Variants in OR10C1 observed in about 807,000 individuals in gnomAD.
OR10C1 encodes the protein olfactory receptor family 10 subfamily C member 1, also known as olfactory receptor 10C1.
For missense variants in OR10C1, 388 were observed against 392.1 expected, an observed-to-expected ratio of 0.99 and a Z score of 0.09; for synonymous variants, 183 against 174.4, an observed-to-expected ratio of 1.05 and a Z score of -0.39.
chr6:29,439,933 C>A lies in OR10C1; in HGVS notation c.-83C>A. On this transcript the variant is annotated 5_prime_UTR_variant, in exon 1 of 1. Coordinates refer to ENST00000444197, the MANE Select transcript of OR10C1 (RefSeq NM_013941.4). ...GCTGCGATCAGATGCAGAGAGAGGTCATCTTTGCCCATTTCACGATTCCAT... is the reference window on the plus strand; with the variant it reads ...GCTGCGATCAGATGCAGAGAGAGGTAATCTTTGCCCATTTCACGATTCCAT... 1.0e-6 allele frequency: 1 copy of A among 1,000,954 alleles called. No homozygotes were observed. Among genetic ancestry groups the A allele is most frequent in the Non-Finnish European group, 1.5e-6 (1 of 655,472 alleles). The allele number at this position is 1,000,954 out of a possible 1,614,324, so 62.0% of individuals were successfully genotyped here.
Position 29,440,601 on chromosome 6 carries a change from C to T in OR10C1, c.586C>T (p.Leu196=), listed in dbSNP as rs1337768924. 6.2e-6 allele frequency: 10 copies of T among 1,613,862 alleles called. No homozygotes were observed. The highest frequency in any genetic ancestry group is 6.8e-6 in the Non-Finnish European group (8 of 1,179,938). Residue 196 remains leucine, a synonymous_variant, in exon 1 of 1, where the codon CTG becomes TTG. Coordinates refer to ENST00000444197, the MANE Select transcript of OR10C1 (RefSeq NM_013941.4). ...LVCGDTSLNE[L]QIILATALLI... is the part of the protein sequence containing the mutation. ...ATGTGGAGACACCTCGCTTAATGAA[C>T]TGCAGATTATCCTGGCAACAGCCCT...
rs2074467 is a variant in OR10C1, at chr6:29,440,498, C to T, written c.483C>T (p.Phe161=). 1 of 1,613,744 alleles carries T rather than the reference C, an allele frequency of 6.2e-7. No individual in the cohort carries two copies. Among genetic ancestry groups the T allele is most frequent in the East Asian group, 2.2e-5 (1 of 44,878 alleles). Residue 161 remains phenylalanine (F), a synonymous_variant, in exon 1 of 1, where the codon TTC becomes TTT. Transcript: ENST00000444197. ...GVLVGLGHTP[F]IFSLPFCGPN... is the part of the protein sequence containing the mutation. ...TGGTGGGGCTGGGCCACACCCCTTT[C>T]ATCTTCTCTTTGCCCTTCTGCGGCC... is the stretch of plus-strand genomic sequence containing the variant.
Position 29,439,909 on chromosome 6 carries a change from C to G in OR10C1, c.-107C>G, listed in dbSNP as rs1783960829. The G allele has an allele frequency of 1.0e-5, 8 of 796,192 alleles. No individual in the cohort carries two copies. The highest frequency in any genetic ancestry group is 1.2e-5 in the Non-Finnish European group (6 of 487,560). The allele number at this position is 796,192 out of a possible 1,614,324, so 49.3% of individuals were successfully genotyped here. On this transcript the variant is annotated 5_prime_UTR_variant, in exon 1 of 1. Transcript: ENST00000444197. ...TTCTAATAGAAAGGGAGATCTAGTG[C>G]TGCGATCAGATGCAGAGAGAGGTCA...
Position 29,440,356 on chromosome 6 carries a change from T to C in OR10C1, c.341T>C (p.Leu114Pro), listed in dbSNP as rs1784034038. The change falls in exon 1 of 1, where the codon CTG becomes CCG. Residue 114 changes from leucine (L) to proline (P), a missense_variant. Physicochemically the swap from Leu to Pro is moderately conservative, Grantham distance 98. Coordinates refer to ENST00000444197, the MANE Select transcript of OR10C1 (RefSeq NM_013941.4). ...TTTGGCGCCACGGAGTGCTGCCTCC[T>C]GGCAGCCATGGCCTATGACCGCTAT... is the stretch of plus-strand genomic sequence containing the variant. ...LFFGATECCL[L>P]AAMAYDRYAA... 1 of 1,613,808 alleles carries C rather than the reference T, an allele frequency of 6.2e-7. No individual in the cohort carries two copies. The highest frequency in any genetic ancestry group is 8.5e-7 in the Non-Finnish European group (1 of 1,179,840).
Position 29,440,690 on chromosome 6 carries a change from C to G in OR10C1, c.675C>G (p.Phe225Leu). 6.2e-7 allele frequency: 1 copy of G among 1,614,176 alleles called. No individual in the cohort carries two copies. Among genetic ancestry groups the G allele is most frequent in the Non-Finnish European group, 8.5e-7 (1 of 1,180,028 alleles). ...ACGGGCGTATCCTCGTTACCATCTT[C>G]CGGATCCCATCTGTTGCGGGCCGCC... ...GSYGRILVTI[F>L]RIPSVAGRRK... Residue 225 changes from phenylalanine (F) to leucine (L), a missense_variant, in exon 1 of 1, where the codon TTC (phenylalanine) becomes TTG (leucine). Transcript: ENST00000444197.
chr6:29,440,057 C>G lies in OR10C1; in HGVS notation c.42C>G (p.Leu14=), dbSNP rs775048330. 6.2e-7 allele frequency: 1 copy of G among 1,613,040 alleles called. No individual in the cohort carries two copies. Among genetic ancestry groups the G allele is most frequent in the African/African-American group, 1.3e-5 (1 of 74,894 alleles). The change falls in exon 1 of 1, where the codon CTC becomes CTG. Residue 14 remains leucine, a synonymous_variant. Coordinates refer to ENST00000444197, the MANE Select transcript of OR10C1 (RefSeq NM_013941.4). ...CCATGGTGACTGAGTTTCTTCTTCT[C>G]GGCTTCTCCCACCTGGCCGACCTCC... ...NTSMVTEFLL[L]GFSHLADLQG...
In OR10C1 at chr6:29,440,249, C is replaced by G. The variant is rs564896821; in HGVS notation, c.234C>G (p.Pro78=). 1 of 1,614,034 alleles carries G rather than the reference C, an allele frequency of 6.2e-7. No individual in the cohort carries two copies. Among genetic ancestry groups the G allele is most frequent in the Non-Finnish European group, 8.5e-7 (1 of 1,180,028 alleles). Reference sequence around the variant, plus strand: ...TTGGCTATACGTCTGTCACGGTCCCCCTGCTACTTCACCACCTCCTTACTG... The same window carrying G: ...TTGGCTATACGTCTGTCACGGTCCCGCTGCTACTTCACCACCTCCTTACTG... ...LEIGYTSVTV[P]LLLHHLLTGR... is the part of the protein sequence containing the mutation. Residue 78 remains proline (P), a synonymous_variant, in exon 1 of 1, where the codon CCC becomes CCG. Coordinates refer to ENST00000444197, the MANE Select transcript of OR10C1 (RefSeq NM_013941.4).
In OR10C1 at chr6:29,439,764, G is replaced by A. The variant is rs547653914; in HGVS notation, c.-252G>A. On this transcript the variant is annotated 5_prime_UTR_variant, in exon 1 of 1. Coordinates refer to ENST00000444197, the MANE Select transcript of OR10C1 (RefSeq NM_013941.4). Reference sequence around the variant, plus strand: ...TTCTTTAGAATGATAGGCACTATCAGGAAGAGATGAAGTCAGGGATTCAGG... The same window carrying A: ...TTCTTTAGAATGATAGGCACTATCAAGAAGAGATGAAGTCAGGGATTCAGG... 12 of 558,780 alleles carry A rather than the reference G, an allele frequency of 2.1e-5. No homozygotes were observed. In the East Asian group the frequency reaches 3.2e-4, roughly 15 times the overall value. The allele number at this position is 558,780 out of a possible 1,614,324, so 34.6% of individuals were successfully genotyped here. A position where few individuals can be genotyped will look rare whatever the true frequency, so the allele number is the denominator to read the frequency against.
At position 29,440,486 on chromosome 6, in the gene OR10C1, C is replaced by A. The variant is rs1252962304; in HGVS notation, c.471C>A (p.Gly157=). ...AWACGVLVGL[G]HTPFIFSLPF... ...CCTGTGGGGTGCTGGTGGGGCTGGG[C>A]CACACCCCTTTCATCTTCTCTTTGC... is the stretch of plus-strand genomic sequence containing the variant. The change falls in exon 1 of 1, where the codon GGC becomes GGA. Residue 157 remains glycine, a synonymous_variant. Coordinates refer to ENST00000444197, the MANE Select transcript of OR10C1 (RefSeq NM_013941.4). 6.2e-7 allele frequency: 1 copy of A among 1,613,648 alleles called. No individual in the cohort carries two copies. Among genetic ancestry groups the A allele is most frequent in the Non-Finnish European group, 8.5e-7 (1 of 1,179,916 alleles).
rs754768833 is a variant in OR10C1 at position 29,440,454 on chromosome 6, G to C, written c.439G>C (p.Ala147Pro). The C allele has an allele frequency of 6.2e-7, 1 of 1,613,902 alleles. No homozygotes were observed. Among genetic ancestry groups the C allele is most frequent in the Admixed American group, 1.7e-5 (1 of 60,014 alleles). ...GGTGTGTCTACAGCTAGCTGGGTCG[G>C]CGTGGGCCTGTGGGGTGCTGGTGGG... Reference protein sequence around the residue: ...HRVCLQLAGSAWACGVLVGLG... With the variant: ...HRVCLQLAGSPWACGVLVGLG... Residue 147 changes from alanine (A) to proline (P), a missense_variant, in exon 1 of 1, where the codon GCG becomes CCG. Physicochemically the swap from Ala to Pro is conservative, Grantham distance 27. Coordinates refer to ENST00000444197, the MANE Select transcript of OR10C1 (RefSeq NM_013941.4).
At position 29,440,034 on chromosome 6, in the gene OR10C1, A is replaced by G. The variant is rs1041029440; in HGVS notation, c.19A>G (p.Met7Val). ...AGGCAGGATGAGTGCAAACACCTCC[A>G]TGGTGACTGAGTTTCTTCTTCTCGG... Reference protein sequence around the residue: MSANTSMVTEFLLLGFS... With the variant: MSANTSVVTEFLLLGFS... The change falls in exon 1 of 1, where the codon ATG becomes GTG. Residue 7 changes from methionine (M) to valine (V), a missense_variant. Transcript: ENST00000444197. The G allele has an allele frequency of 4.3e-6, 7 of 1,612,962 alleles. No homozygotes were observed. In the African/African-American group the frequency reaches 5.3e-5, roughly 12 times the overall value.
In OR10C1 at chr6:29,440,713, G is replaced by A. The variant is rs771138562; in HGVS notation, c.698G>A (p.Arg233His). 11 of 1,613,782 alleles carry A rather than the reference G, an allele frequency of 6.8e-6. No homozygotes were observed. The highest frequency in any genetic ancestry group is 1.6e-4 in the Middle Eastern group (1 of 6,062). ...TTCCGGATCCCATCTGTTGCGGGCC[G>A]CCGCAAGGCCTTCTCCACCTGCTCC... ...TIFRIPSVAG[R>H]RKAFSTCSSH... Residue 233 changes from arginine (R) to histidine (H), a missense_variant, in exon 1 of 1, where the codon CGC becomes CAC. Arg to His is a conservative substitution (Grantham distance 29). Transcript: ENST00000444197.
rs142718527 is a variant in OR10C1 at position 29,440,935 on chromosome 6, C to T, written c.920C>T (p.Thr307Met). ...KAALKRTIQK[T>M]VPMEI ...GCCCTAAAGAGAACCATCCAGAAAA[C>T]GGTGCCTATGGAGATTTGAAAAGGG... The change falls in exon 1 of 1, where the codon ACG (threonine) becomes ATG (methionine). Residue 307 changes from threonine (T) to methionine (M), a missense_variant. Physicochemically the swap from Thr to Met is moderately conservative, Grantham distance 81 (BLOSUM62 -1). Transcript: ENST00000444197. The T allele has an allele frequency of 6.5e-5, 104 of 1,610,180 alleles. 1 individual carries two copies. The African/African-American group carries it at 8.9e-4, about 14-fold the overall frequency.
chr6:29,440,228 C>T lies in OR10C1; in HGVS notation c.213C>T (p.Gly71=). Residue 71 remains glycine, a synonymous_variant, in exon 1 of 1, where the codon GGC becomes GGT. Transcript: ENST00000444197. ...FLRTLSALEI[G]YTSVTVPLLL... is the part of the protein sequence containing the mutation. Reference sequence around the variant, plus strand: ...GCACCCTCTCGGCCTTGGAGATTGGCTATACGTCTGTCACGGTCCCCCTGC... The same window carrying T: ...GCACCCTCTCGGCCTTGGAGATTGGTTATACGTCTGTCACGGTCCCCCTGC... 6.2e-7 allele frequency: 1 copy of T among 1,613,968 alleles called. No homozygotes were observed. Among genetic ancestry groups the T allele is most frequent in the Non-Finnish European group, 8.5e-7 (1 of 1,180,014 alleles).
rs1251202754 is a variant in OR10C1, at chr6:29,440,643, T to A, written c.628T>A (p.Phe210Ile). ...LATALLILCP[F>I]GLILGSYGRI... ...AACAGCCCTCCTCATCCTCTGCCCC[T>A]TTGGCCTCATCCTGGGCTCCTACGG... Residue 210 changes from phenylalanine (F) to isoleucine (I), a missense_variant, in exon 1 of 1, where the codon TTT (phenylalanine) becomes ATT (isoleucine). Coordinates refer to ENST00000444197, the MANE Select transcript of OR10C1 (RefSeq NM_013941.4). The A allele has an allele frequency of 6.2e-7, 1 of 1,614,164 alleles. No individual in the cohort carries two copies. The highest frequency in any genetic ancestry group is 8.5e-7 in the Non-Finnish European group (1 of 1,180,024).
chr6:29,440,668 G>A lies in OR10C1; in HGVS notation c.653G>A (p.Gly218Glu), dbSNP rs374686437. ...TTTGGCCTCATCCTGGGCTCCTACG[G>A]GCGTATCCTCGTTACCATCTTCCGG... ...CPFGLILGSY[G>E]RILVTIFRIP... The change falls in exon 1 of 1, where the codon GGG (glycine) becomes GAG (glutamate). Residue 218 changes from glycine to glutamate, a missense_variant. Gly to Glu is a moderately conservative substitution (Grantham distance 98). Coordinates refer to ENST00000444197, the MANE Select transcript of OR10C1 (RefSeq NM_013941.4). 1 of 1,614,006 alleles carries A rather than the reference G, an allele frequency of 6.2e-7. No homozygotes were observed. The highest frequency in any genetic ancestry group is 1.3e-5 in the African/African-American group (1 of 74,916).
rs1783966903 is a variant in OR10C1 at position 29,439,971 on chromosome 6, T to C, written c.-45T>C. 1 of 1,504,624 alleles carries C rather than the reference T, an allele frequency of 6.6e-7. No individual in the cohort carries two copies. The highest frequency in any genetic ancestry group is 1.4e-5 in the African/African-American group (1 of 72,414). 93.2% of individuals were successfully genotyped at this position (1,504,624 alleles called of 1,614,324 possible). A position where few individuals can be genotyped will look rare whatever the true frequency, so the allele number is the denominator to read the frequency against. On this transcript the variant is annotated 5_prime_UTR_variant, in exon 1 of 1. Transcript: ENST00000444197. ...TTCACGATTCCATAGTTGTGATTTT[T>C]CCTTGCCATTTCTTTTGTCTTCCAG...
Position 29,440,672 on chromosome 6 carries a change from T to A in OR10C1, c.657T>A (p.Arg219=). 1 of 1,614,160 alleles carries A rather than the reference T, an allele frequency of 6.2e-7. No homozygotes were observed. The highest frequency in any genetic ancestry group is 8.5e-7 in the Non-Finnish European group (1 of 1,180,020). ...GCCTCATCCTGGGCTCCTACGGGCGTATCCTCGTTACCATCTTCCGGATCC... is the reference window on the plus strand; with the variant it reads ...GCCTCATCCTGGGCTCCTACGGGCGAATCCTCGTTACCATCTTCCGGATCC... ...PFGLILGSYG[R]ILVTIFRIPS... Residue 219 remains arginine, a synonymous_variant, in exon 1 of 1, where the codon CGT becomes CGA. Coordinates refer to ENST00000444197, the MANE Select transcript of OR10C1 (RefSeq NM_013941.4).
Position 29,440,396 on chromosome 6 carries a change from A to ACC in OR10C1, c.384_385dup (p.Leu129ProfsTer8), listed in dbSNP as rs1561794149. ...ATGACCGCTATGCAGCCATCTGTGA[A>ACC]CCCCTCCGCTACCCACTGCTGCTGA... On this transcript the variant is annotated frameshift_variant, in exon 1 of 1. Coordinates refer to ENST00000444197, the MANE Select transcript of OR10C1 (RefSeq NM_013941.4). LOFTEE classifies it low-confidence loss of function (END_TRUNC). 1.9e-6 allele frequency: 3 copies of ACC among 1,613,376 alleles called. No homozygotes were observed. The highest frequency in any genetic ancestry group is 2.5e-6 in the Non-Finnish European group (3 of 1,179,866).
Sources: allele counts gnomAD v4.1 joint callset, GRCh38; gene constraint gnomAD v4.1.1; transcripts MANE v1.5; gene names NCBI Gene and HGNC (gene_info 2026-07-23, HGNC 2026-07-21).